Variants in SMG6 observed in about 807,000 individuals in gnomAD.
The protein encoded by SMG6 is SMG6 nonsense mediated mRNA decay factor.
In SMG6, 66 loss-of-function variants were observed where a neutral mutation model predicts 142.2. The observed-to-expected ratio is 0.46, with a 90% confidence interval of 0.38 to 0.57. The LOEUF (loss-of-function observed/expected upper bound fraction) is 0.57. Among genes scored for constraint, SMG6 ranks in the 20% least tolerant of loss-of-function variants. The pLI, the probability that SMG6 is intolerant of heterozygous loss-of-function variation, is 0.00. For missense variants in SMG6, 1,793 were observed against 1,832.0 expected (o/e 0.98, Z 0.39); for synonymous variants, 779 against 702.4 (o/e 1.11, Z -1.72).
chr17:2,208,729 G>A (rs2072762028), intron 10 of SMG6, among the ~76,000 whole-genome samples: 1 of 152,200 alleles, frequency 6.6e-6, no homozygotes, highest in Admixed American at 6.5e-5. Flanking sequence ...AATCAAAGAA[G>A]AAAGTGAAAA....
chr17:2,171,465 T>C (rs573418745), intron 13 of SMG6, among the ~76,000 whole-genome samples: 1 of 151,908 alleles, frequency 6.6e-6, no homozygotes, highest in East Asian at 1.9e-4. Context: ...TACGGATAAT[T>C]TTTCCTCTTT....
intron 13 of SMG6, among the ~76,000 whole-genome samples, chr17:2,108,870 G>A (rs576113020): frequency 1.3e-5 from 2 of 152,160 alleles, no homozygotes; most frequent in African/African-American, 2.4e-5. Context: ...CTTGAATCCA[G>A]GAGTTGGAGG....
intron 6 of SMG6, among the ~76,000 whole-genome samples, chr17:2,291,305 T>C (rs2075030862): frequency 6.6e-6 from 1 of 150,862 alleles, no homozygotes; most frequent in Non-Finnish European, 1.5e-5. Flanking sequence ...CACTCCAGCC[T>C]GAGCGACAGA....
chr17:2,188,256 G>C (rs1372236681), intron 11 of SMG6, 143 bp downstream of exon 11: 1 of 691,340 alleles, frequency 1.4e-6, no homozygotes, highest in Admixed American at 2.4e-5. Context: ...TAGTTAGGCA[G>C]GCAAAAGGAA....
chr17:2,303,524 G>A, intron 1 of SMG6, 109 bp downstream of exon 1: 3 of 1,335,284 alleles, frequency 2.2e-6, no homozygotes, highest in Non-Finnish European at 2.9e-6. Context: ...ACTGCTGGGG[G>A]AAGGGGCGGG....
At position 2,261,313 on chromosome 17, in the gene SMG6, C is replaced by CA. The variant is rs58928595; in HGVS notation, c.2662-16595dup. Among the ~76,000 whole-genome samples the CA allele has an allele frequency of 5.5e-3, 739 of 134,216 alleles. 3 individuals carry two copies. Among genetic ancestry groups the CA allele is most frequent in the African/African-American group, 9.9e-3 (377 of 38,072 alleles). The allele number at this position is 134,216 out of a possible 152,430, so 88.1% of individuals were successfully genotyped here. On this transcript the variant is annotated intron_variant, in intron 8 of 18. Transcript: ENST00000263073. ...TGGGTGACAGAGCGAGACTCCGTCT[C>CA]AAAAAAAAAAAAAGGGAAGAGAAGA...
At chr17:2,230,682 G>A (rs1252485447) in intron 10 of SMG6, among the ~76,000 whole-genome samples, 2 of 152,184 alleles carry the variant, frequency 1.3e-5, no homozygotes, top group African/African-American at 4.8e-5. Flanking sequence ...TCCACAGGCA[G>A]AGAGTGCCGA....
chr17:2,175,542 C>A (rs2071631118), intron 12 of SMG6, among the ~76,000 whole-genome samples: 1 of 152,126 alleles, frequency 6.6e-6, no homozygotes, highest in Admixed American at 6.5e-5. Flanking sequence ...AAAACTGACT[C>A]CTCCCAGAGA....
At chr17:2,152,403 A>T (rs2070854336) in intron 13 of SMG6, among the ~76,000 whole-genome samples, 1 of 152,208 alleles carries the variant, frequency 6.6e-6, no homozygotes, top group African/African-American at 2.4e-5. Context: ...TTAGTCTCTA[A>T]AGTGAAAAGA....
In SMG6 at chr17:2,147,987, C is replaced by T. The variant is rs910601901; in HGVS notation, c.3357+24671G>A. Among the ~76,000 whole-genome samples the T allele has an allele frequency of 3.3e-5, 5 of 152,040 alleles. No homozygotes were observed. The East Asian group carries it at 5.8e-4, about 18-fold the overall frequency. Reference sequence around the variant, plus strand: ...GGTGGATCGCTTGAGCTCAGGAGTTCGACACCAGCCTGGGCAACATGGTGA... The same window carrying T: ...GGTGGATCGCTTGAGCTCAGGAGTTTGACACCAGCCTGGGCAACATGGTGA... On this transcript the variant is annotated intron_variant, in intron 13 of 18. Transcript: ENST00000263073.
chr17:2,170,480 T>C (rs1456573836), intron 13 of SMG6, among the ~76,000 whole-genome samples: 1 of 152,250 alleles, frequency 6.6e-6, no homozygotes, highest in Non-Finnish European at 1.5e-5. Context: ...AGTATGGGGA[T>C]CCTCTGGCCC....
intron 8 of SMG6, among the ~76,000 whole-genome samples, chr17:2,279,859 T>C (rs914244456): frequency 4.6e-5 from 7 of 152,202 alleles, no homozygotes; most frequent in Admixed American, 2.0e-4. Context: ...CAAGTAGAAA[T>C]GCCTTTACGA....
At chr17:2,111,855 A>G (rs934388212) in intron 13 of SMG6, among the ~76,000 whole-genome samples, 1 of 152,148 alleles carries the variant, frequency 6.6e-6, no homozygotes, top group Non-Finnish European at 1.5e-5. Context: ...TTGAGAGTTT[A>G]TGCAGCTTGC....
intron 8 of SMG6, among the ~76,000 whole-genome samples, chr17:2,267,753 T>TA (rs200188559): frequency 0.012 from 373 of 30,424 alleles, 2 homozygotes; most frequent in African/African-American, 0.022. Flanking sequence ...TTATTATTAT[T>TA]TTTTTTTTTT....
chr17:2,073,272 T>C (rs879614004), intron 15 of SMG6, among the ~76,000 whole-genome samples: 5 of 151,910 alleles, frequency 3.3e-5, no homozygotes, highest in Non-Finnish European at 5.9e-5. Flanking sequence ...TTAGTAGAGA[T>C]GGGGTTTCAC....
At chr17:2,072,386 T>C (rs1030428404) in intron 15 of SMG6, among the ~76,000 whole-genome samples, 3 of 152,134 alleles carry the variant, frequency 2.0e-5, no homozygotes, top group African/African-American at 7.2e-5. Context: ...AGGACCCAAG[T>C]TGGCATAAAA....
chr17:2,110,081 CAAAAAAAAAAAA>C (rs57135671), intron 13 of SMG6, among the ~76,000 whole-genome samples: 1 of 87,916 alleles, frequency 1.1e-5, no homozygotes, highest in Non-Finnish European at 3.0e-5. Flanking sequence ...GATTCCATCT[CAAAAAAAAAAAA>C]AAAAAAAAAA....
intron 6 of SMG6, among the ~76,000 whole-genome samples, chr17:2,288,184 TAAGCCTGTGGTCCCAGCTACTCAGG>T (rs2074950055): frequency 6.6e-6 from 1 of 151,906 alleles, no homozygotes; most frequent in African/African-American, 2.4e-5. Flanking sequence ...CGTGGTGGTA[TAAGCCTGTGGTCCCAGCTACTCAGG>T]AAGCTGAGAA....
At chr17:2,139,714 C>G (rs747557115) in intron 13 of SMG6, among the ~76,000 whole-genome samples, 21 of 150,262 alleles carry the variant, frequency 1.4e-4, no homozygotes, top group Non-Finnish European at 2.5e-4. Flanking sequence ...GCCACTGTGC[C>G]AAGACATTTA....
Sources: gnomAD v4.1 joint callset for allele counts (sites outside exome capture counted in the v4.1 genomes callset) on GRCh38, gnomAD v4.1.1 for gene constraint, MANE v1.5 for transcripts, NCBI Gene and HGNC (gene_info 2026-07-23, HGNC 2026-07-21) for gene names.